AGAP1: variants seen among roughly 807,000 people sequenced by gnomAD.
AGAP1 encodes the protein arf-GAP with GTPase, ANK repeat and PH domain-containing protein 1.
Under a neutral mutation model 105.3 loss-of-function variants are expected in AGAP1, and 29 were observed. The ratio of observed to expected loss-of-function variants is 0.28; its 90% CI spans 0.21 to 0.38. AGAP1 has a LOEUF of 0.38. AGAP1 is among the 10% of genes least tolerant of loss of function. The probability of loss-of-function intolerance (pLI) is 1.00; values close to 1 mark genes in which losing one functional copy is unlikely to be tolerated. For missense variants in AGAP1, 998 were observed against 1,165.1 expected, an observed-to-expected ratio of 0.86 and a Z score of 2.09; for synonymous variants, 509 against 485.9, an observed-to-expected ratio of 1.05 and a Z score of -0.63.
chr2:235,554,757 C>T (rs942564117), intron 1 of AGAP1, among the ~76,000 whole-genome samples: 3 of 152,130 alleles, frequency 2.0e-5, no homozygotes, highest in Admixed American at 1.3e-4. Flanking sequence ...TGGCTCACTG[C>T]CTCCCAGGTT....
At chr2:235,681,394 G>T (rs904657059) in intron 1 of AGAP1, among the ~76,000 whole-genome samples, 3 of 152,174 alleles carry the variant, frequency 2.0e-5, no homozygotes, top group Non-Finnish European at 4.4e-5. Context: ...TACAAACCTG[G>T]TGCCATGCTA....
intron 9 of AGAP1, among the ~76,000 whole-genome samples, chr2:235,876,780 C>G (rs987172214): frequency 2.0e-5 from 3 of 152,160 alleles, no homozygotes; most frequent in Non-Finnish European, 2.9e-5. Context: ...CTCTTGCCCC[C>G]AGGCGCATCC....
chr2:235,715,064 C>T (rs777828117), intron 2 of AGAP1, among the ~76,000 whole-genome samples: 3 of 152,068 alleles, frequency 2.0e-5, no homozygotes, highest in South Asian at 2.1e-4. Flanking sequence ...CCCAAAGTGC[C>T]GGGATTACAG....
chr2:236,042,628 C>T lies in AGAP1; in HGVS notation c.1891+1787C>T, dbSNP rs957813434. On this transcript the variant is annotated intron_variant, in intron 15 of 17. Coordinates refer to ENST00000304032, the MANE Select transcript of AGAP1 (RefSeq NM_001037131.3). This position sits in a 1 kb window ranked among gnomAD's most constrained non-coding sequence, Gnocchi z 5.6. Reference sequence around the variant, plus strand: ...AGGTCGCTTTAAAAGGAAAGCCATCCGTGGCTTGCGGGGACCATGATACCT... The same window carrying T: ...AGGTCGCTTTAAAAGGAAAGCCATCTGTGGCTTGCGGGGACCATGATACCT... Among the ~76,000 whole-genome samples, 5 of 152,088 alleles carry T rather than the reference C, an allele frequency of 3.3e-5. No individual in the cohort carries two copies. The highest frequency in any genetic ancestry group is 1.9e-4 in the East Asian group (1 of 5,176).
intron 12 of AGAP1, among the ~76,000 whole-genome samples, chr2:235,945,978 C>G (rs148498527): frequency 0.016 from 2,421 of 151,962 alleles, 63 homozygotes; most frequent in African/African-American, 0.055. Context: ...GGGAGCTCTG[C>G]CCCCATGATC....
At chr2:235,528,384 C>T (rs1473942686) in intron 1 of AGAP1, among the ~76,000 whole-genome samples, 8 of 142,648 alleles carry the variant, frequency 5.6e-5, no homozygotes, top group South Asian at 2.5e-4. Context: ...CTCCCACTGG[C>T]GGTTTCATTT....
Position 235,744,610 on chromosome 2 carries a change from C to G in AGAP1, c.397-88C>G. The G allele has an allele frequency of 6.5e-7, 1 of 1,534,264 alleles. No individual in the cohort carries two copies. ...GTGACCGAGGGGATTCCTGCAGCCC[C>G]CTGCTGCCTGCCGCCATGCAGACAT... On this transcript the variant is annotated intron_variant, in intron 4 of 17. Transcript: ENST00000304032. The surrounding 1 kb of genome is among the most constrained non-coding windows in gnomAD (Gnocchi z 5.2).
chr2:235,851,117 GC>G (rs2048426891), intron 9 of AGAP1, among the ~76,000 whole-genome samples: 1 of 152,252 alleles, frequency 6.6e-6, no homozygotes, highest in Non-Finnish European at 1.5e-5. Context: ...TCTAGGCACA[GC>G]CCAGTGTTAG....
rs536405750 is a variant in AGAP1, at chr2:235,820,783, C to CTCTGGTT, written c.1050+13453_1050+13459dup. ...ATGAGGAACCACGAGAAGCAGATAG[C>CTCTGGTT]TCTGGTTGGGTGTGTTGGCCTTCCT... is the stretch of plus-strand genomic sequence containing the variant. On this transcript the variant is annotated intron_variant, in intron 9 of 17. Coordinates refer to ENST00000304032, the MANE Select transcript of AGAP1 (RefSeq NM_001037131.3). 6.5e-4 allele frequency among the ~76,000 whole-genome samples: 99 copies of CTCTGGTT among 152,286 alleles called. 1 individual carries two copies. In the East Asian group the frequency reaches 0.017, roughly 27 times the overall value.
chr2:235,713,724 T>A (rs1291733807), intron 2 of AGAP1, among the ~76,000 whole-genome samples: 1 of 152,212 alleles, frequency 6.6e-6, no homozygotes, highest in Non-Finnish European at 1.5e-5. Context: ...CTCTTCTGGC[T>A]CCTGTAACAA....
chr2:235,621,094 T>C lies in AGAP1; in HGVS notation c.164-88085T>C, dbSNP rs1946462646. 6.6e-6 allele frequency among the ~76,000 whole-genome samples: 1 copy of C among 152,114 alleles called. No individual in the cohort carries two copies. Among genetic ancestry groups the C allele is most frequent in the African/African-American group, 2.4e-5 (1 of 41,424 alleles). On this transcript the variant is annotated intron_variant, in intron 1 of 17. Coordinates refer to ENST00000304032, the MANE Select transcript of AGAP1 (RefSeq NM_001037131.3). This position sits in a 1 kb window ranked among gnomAD's most constrained non-coding sequence, Gnocchi z 4.1. Reference sequence around the variant, plus strand: ...TGGAGTACAATGGCACAATCTTGGCTCACTGCAAACTCCACCTCCTAGGTT... The same window carrying C: ...TGGAGTACAATGGCACAATCTTGGCCCACTGCAAACTCCACCTCCTAGGTT...
chr2:235,548,245 C>G (rs923612331), intron 1 of AGAP1, among the ~76,000 whole-genome samples: 38 of 152,214 alleles, frequency 2.5e-4, no homozygotes, highest in African/African-American at 8.7e-4. Context: ...CTCTCCTGTT[C>G]CTGTAGTGTC....
chr2:235,942,435 T>C (rs1357513993), intron 12 of AGAP1, among the ~76,000 whole-genome samples: 1 of 152,134 alleles, frequency 6.6e-6, no homozygotes, highest in Non-Finnish European at 1.5e-5. Flanking sequence ...CCCAGCACTT[T>C]GGGAGGCCGA....
chr2:235,567,746 T>A (rs965004452), intron 1 of AGAP1, among the ~76,000 whole-genome samples: 3 of 8,508 alleles, frequency 3.5e-4, no homozygotes, highest in African/African-American at 8.2e-4. Flanking sequence ...CACTGGGGGG[T>A]GGGCAGGGTG....
At chr2:235,784,376 A>T (rs1320186715) in intron 6 of AGAP1, among the ~76,000 whole-genome samples, 1 of 152,316 alleles carries the variant, frequency 6.6e-6, no homozygotes, top group Non-Finnish European at 1.5e-5. Flanking sequence ...TGACTTCCTC[A>T]CTATTCCTAA....
chr2:235,549,817 A>G lies in AGAP1; in HGVS notation c.163+54968A>G, dbSNP rs1299680661. On this transcript the variant is annotated intron_variant, in intron 1 of 17. Transcript: ENST00000304032. The surrounding 1 kb of genome is among the most constrained non-coding windows in gnomAD (Gnocchi z 4.2). ...CAGGTATAGACAACATCCTAGTTGC[A>G]TCTCACCGCGGCCTAACATCCCCGG... 6.6e-6 allele frequency among the ~76,000 whole-genome samples: 1 copy of G among 152,190 alleles called. No individual in the cohort carries two copies. Among genetic ancestry groups the G allele is most frequent in the Non-Finnish European group, 1.5e-5 (1 of 68,030 alleles).
intron 1 of AGAP1, among the ~76,000 whole-genome samples, chr2:235,592,444 G>A (rs972002683): frequency 2.0e-5 from 3 of 152,114 alleles, no homozygotes; most frequent in African/African-American, 7.2e-5. Context: ...TTAGAACCAC[G>A]AGAGGACCCC....
Position 235,893,561 on chromosome 2 carries a change from A to G in AGAP1, c.1155+10112A>G, listed in dbSNP as rs951357182. On this transcript the variant is annotated intron_variant, in intron 10 of 17. Coordinates refer to ENST00000304032, the MANE Select transcript of AGAP1 (RefSeq NM_001037131.3). This position sits in a 1 kb window ranked among gnomAD's most constrained non-coding sequence, Gnocchi z 4.7. Reference sequence around the variant, plus strand: ...TCTGTGGTGCGGGTGTGCCGTGTCCATCATGAGGGTGCGCCGTGTCCGTCA... The same window carrying G: ...TCTGTGGTGCGGGTGTGCCGTGTCCGTCATGAGGGTGCGCCGTGTCCGTCA... 4.0e-5 allele frequency among the ~76,000 whole-genome samples: 6 copies of G among 151,714 alleles called. No homozygotes were observed. The highest frequency in any genetic ancestry group is 1.5e-4 in the African/African-American group (6 of 41,282).
At chr2:235,706,759 G>T (rs1003770453) in intron 1 of AGAP1, among the ~76,000 whole-genome samples, 1 of 152,274 alleles carries the variant, frequency 6.6e-6, no homozygotes, top group Middle Eastern at 3.4e-3. Flanking sequence ...ACAGAGTGAC[G>T]TTCTGAGAAG....
Sources: allele counts gnomAD v4.1 joint callset (sites outside exome capture counted in the v4.1 genomes callset), GRCh38; gene constraint gnomAD v4.1.1; non-coding constraint Gnocchi (gnomAD v3.1); transcripts MANE v1.5; gene names NCBI Gene and HGNC (gene_info 2026-07-23, HGNC 2026-07-21).